The following COL11A1 variants were observed in gnomAD, a reference collection of about 807,000 sequenced individuals.
COL11A1 encodes the protein collagen alpha-1(XI) chain.
In COL11A1, 74 loss-of-function variants were observed where a neutral mutation model predicts 265.2. The observed-to-expected ratio is 0.28, with a 90% CI of 0.23 to 0.34. The LOEUF is 0.34. Among genes scored for constraint, COL11A1 ranks in the 10% least tolerant of loss-of-function variants. The probability of loss-of-function intolerance (pLI) is 1.00; values close to 1 mark genes in which losing one functional copy is unlikely to be tolerated. For synonymous variants in COL11A1, 816 were observed against 727.6 expected (o/e 1.12, Z -1.96); for missense variants, 2,165 against 2,263.6 (o/e 0.96, Z 0.88).
At chr1:102,949,108 T>C (rs572127913) in intron 41 of COL11A1, among the ~76,000 whole-genome samples, 1 of 152,192 alleles carries the variant, frequency 6.6e-6, no homozygotes, top group African/African-American at 2.4e-5. Flanking sequence ...GCTCCTTTTT[T>C]GGTAACAGAA....
At chr1:102,898,869 G>C in intron 55 of COL11A1, 72 bp downstream of exon 55, 1 of 1,284,658 alleles carries the variant, frequency 7.8e-7, no homozygotes, top group South Asian at 1.3e-5. Flanking sequence ...GTTTATGCAT[G>C]AAATTTTCAA....
At position 103,072,882 on chromosome 1, in the gene COL11A1, C is replaced by A. The variant is rs143984973; in HGVS notation, c.651+1736G>T. 3.2e-3 allele frequency among the ~76,000 whole-genome samples: 490 copies of A among 151,742 alleles called. 5 individuals carry two copies. The highest frequency in any genetic ancestry group is 0.011 in the African/African-American group (470 of 41,516). ...AATTCAAAGATTCCTACTCTACAGA[C>A]TTCTAAATATTTTATTAAGTAAAAA... On this transcript the variant is annotated intron_variant, in intron 4 of 66. Transcript: ENST00000370096.
At chr1:103,069,592 C>T (rs1055410096) in intron 4 of COL11A1, among the ~76,000 whole-genome samples, 4 of 150,882 alleles carry the variant, frequency 2.7e-5, no homozygotes, top group African/African-American at 9.7e-5. Context: ...GGAAAGACAC[C>T]AATAAGAAAA....
Position 103,014,568 on chromosome 1 carries a change from T to C in COL11A1, c.1515A>G (p.Lys505=), listed in dbSNP as rs2101899581. Residue 505 remains lysine, a synonymous_variant, in exon 13 of 67, where the codon AAA becomes AAG. Transcript: ENST00000370096. ...CTTCCTGAGCAGAGATGGTTGGTCC[T>C]TTGGAACCATCACCACCATAACGGA... The part of the protein sequence containing the change: ...LPFRYGGDGS[K]GPTISAQEAQ... The C allele has an allele frequency of 1.9e-6, 3 of 1,613,714 alleles. No homozygotes were observed. The highest frequency in any genetic ancestry group is 2.5e-6 in the Non-Finnish European group (3 of 1,179,714).
chr1:102,881,917 T>C (rs1650295689), intron 64 of COL11A1, 152 bp from the exon 65 acceptor site: 2 of 650,310 alleles, frequency 3.1e-6, no homozygotes, highest in South Asian at 1.8e-5. Flanking sequence ...TTATACAAAA[T>C]GAGACAAAGA....
At chr1:103,072,136 TG>T (rs1671639619) in intron 4 of COL11A1, among the ~76,000 whole-genome samples, 2 of 151,918 alleles carry the variant, frequency 1.3e-5, no homozygotes, top group South Asian at 4.1e-4. Flanking sequence ...ATGCTCTTCT[TG>T]TGGTGAGCAT....
chr1:103,050,153 G>C (rs536944775), intron 4 of COL11A1, among the ~76,000 whole-genome samples: 2 of 152,288 alleles, frequency 1.3e-5, no homozygotes, highest in South Asian at 4.1e-4. Context: ...GCCCTGCCTT[G>C]CTAGATTGGG....
At chr1:102,954,353 T>G (rs1660161953) in intron 41 of COL11A1, among the ~76,000 whole-genome samples, 1 of 150,408 alleles carries the variant, frequency 6.6e-6, no homozygotes. Flanking sequence ...AAATGTTTTA[T>G]CAGTTATTTT....
At chr1:102,880,132 T>C (rs1650043601) in intron 65 of COL11A1, 6 of 523,026 alleles carry the variant, frequency 1.1e-5, no homozygotes, top group Middle Eastern at 5.2e-4. Context: ...CTGTAGCCAC[T>C]GCTTATCTTT....
chr1:102,912,249 A>G (rs1469046144), intron 53 of COL11A1, 37 bp from the exon 54 acceptor site: 2 of 1,557,790 alleles, frequency 1.3e-6, no homozygotes, highest in Non-Finnish European at 1.7e-6. Context: ...ACAAAATTGG[A>G]TATTATTTTG....
chr1:102,936,694 A>G (rs574287225), intron 44 of COL11A1, among the ~76,000 whole-genome samples: 67 of 152,318 alleles, frequency 4.4e-4, no homozygotes, highest in Non-Finnish European at 8.5e-4. Flanking sequence ...CAAATTATCA[A>G]TGAAGGATAT....
rs1399933424 is a variant in COL11A1, at chr1:103,022,879, A to C, written c.1108T>G (p.Ser370Ala). Reference sequence around the variant, plus strand: ...AAATCTCCATCTACCAGAAGATCAGAATCCCTGCCGTCTATTTCTTTGTTT... The same window carrying C: ...AAATCTCCATCTACCAGAAGATCAGCATCCCTGCCGTCTATTTCTTTGTTT... ...YENKEIDGRD[S>A]DLLVDGDLGE... Residue 370 changes from serine (S) to alanine (A), a missense_variant, in exon 8 of 67, where the codon TCT (serine) becomes GCT (alanine). By Grantham distance (99) the Ser-to-Ala change is moderately conservative. Coordinates refer to ENST00000370096, the MANE Select transcript of COL11A1 (RefSeq NM_001854.4). 1 of 1,613,988 alleles carries C rather than the reference A, an allele frequency of 6.2e-7. No homozygotes were observed. Among genetic ancestry groups the C allele is most frequent in the East Asian group, 2.2e-5 (1 of 44,832 alleles).
chr1:102,902,827 C>CAT (rs538504752), intron 54 of COL11A1, among the ~76,000 whole-genome samples: 109 of 148,566 alleles, frequency 7.3e-4, no homozygotes, highest in Admixed American at 4.3e-3. Context: ...TATGTGTGTG[C>CAT]ATATATATAT....
rs1469555372 is a variant in COL11A1 at position 103,078,782 on chromosome 1, G to A, written c.364C>T (p.His122Tyr). The stretch of plus-strand genomic sequence containing the variant: ...TCAACACCAATTTGCTGAATACCAT[G>A]CTCATTATATATAGATAAAAGGAAA... The part of the protein sequence containing the change: ...QSFLLSIYNE[H>Y]GIQQIGVEVG... Residue 122 changes from histidine to tyrosine, a missense_variant, in exon 3 of 67, where the codon CAT (histidine) becomes TAT (tyrosine). His to Tyr is a moderately conservative substitution (Grantham distance 83). Transcript: ENST00000370096. The A allele has an allele frequency of 1.2e-6, 2 of 1,612,424 alleles. No individual in the cohort carries two copies. Among genetic ancestry groups the A allele is most frequent in the African/African-American group, 1.3e-5 (1 of 74,908 alleles).
rs1337013861 is a variant in COL11A1, at chr1:103,017,814, A to C, written c.1413+6T>G. ...TTGTAATGAGATATCATGTCCATTC[A>C]CTTACCCTATCGCCAGGGTCACCAG... On this transcript the variant is annotated splice_donor_region_variant and intron_variant, in intron 11 of 66. Transcript: ENST00000370096. 2 of 1,610,680 alleles carry C rather than the reference A, an allele frequency of 1.2e-6. No homozygotes were observed. Among genetic ancestry groups the C allele is most frequent in the African/African-American group, 1.3e-5 (1 of 74,942 alleles).
At chr1:103,023,946 A>G (rs937209467) in intron 7 of COL11A1, among the ~76,000 whole-genome samples, 11 of 152,200 alleles carry the variant, frequency 7.2e-5, no homozygotes, top group African/African-American at 2.7e-4. Flanking sequence ...TAAGGAATAA[A>G]TATTAATTAA....
At chr1:102,897,028 G>A (rs1215120989) in intron 57 of COL11A1, among the ~76,000 whole-genome samples, 1 of 151,974 alleles carries the variant, frequency 6.6e-6, no homozygotes, top group African/African-American at 2.4e-5. Context: ...ATCATCTCCT[G>A]CTTGAAATCT....
chr1:102,919,424 C>T (rs535155186), intron 49 of COL11A1, among the ~76,000 whole-genome samples: 1 of 151,590 alleles, frequency 6.6e-6, no homozygotes, highest in South Asian at 2.1e-4. Flanking sequence ...ATAAAATACA[C>T]AAAAAACTTG....
At chr1:102,902,428 A>G (rs1653328972) in intron 54 of COL11A1, among the ~76,000 whole-genome samples, 1 of 152,182 alleles carries the variant, frequency 6.6e-6, no homozygotes, top group Non-Finnish European at 1.5e-5. Context: ...TGTTAAATGA[A>G]CAAGAATTTT....
Sources: gnomAD v4.1 joint callset for allele counts (sites outside exome capture counted in the v4.1 genomes callset) on GRCh38, gnomAD v4.1.1 for gene constraint, MANE v1.5 for transcripts, NCBI Gene and HGNC (gene_info 2026-07-23, HGNC 2026-07-21) for gene names.